The following TMEM38B variants were observed in gnomAD, a reference collection of about 807,000 sequenced individuals.
TMEM38B encodes transmembrane protein 38B.
TMEM38B carries 24 observed loss-of-function variants against 28.7 expected under a neutral mutation model. The observed-to-expected ratio is 0.84, with a 90% confidence interval of 0.61 to 1.18. The LOEUF (loss-of-function observed/expected upper bound fraction) is 1.18. Ranked by LOEUF, TMEM38B falls within the 50% of genes most tolerant of loss-of-function variation. The probability of loss-of-function intolerance (pLI) is 0.00; values close to 1 mark genes in which losing one functional copy is unlikely to be tolerated. For synonymous variants in TMEM38B, 131 were observed against 127.7 expected, an observed-to-expected ratio of 1.03 and a Z score of -0.17; for missense variants, 380 against 350.9, an observed-to-expected ratio of 1.08 and a Z score of -0.66.
chr9:105,746,407 T>C (rs1837393788), intron 4 of TMEM38B, among the ~76,000 whole-genome samples: 1 of 152,240 alleles, frequency 6.6e-6, no homozygotes, highest in South Asian at 2.1e-4. Context: ...AGAATGCTCG[T>C]GATTTTTGCA....
intron 5 of TMEM38B, among the ~76,000 whole-genome samples, chr9:105,749,485 T>G (rs1304357827): frequency 6.6e-6 from 1 of 152,172 alleles, no homozygotes; most frequent in Non-Finnish European, 1.5e-5. Flanking sequence ...CATGATTCAG[T>G]TACCTTCATC....
Position 105,774,061 on chromosome 9 carries a change from A to C in TMEM38B, c.857A>C (p.His286Pro). ...DVASDNVKKK[H>P]TKKNE ...GCCTCAGATAATGTTAAAAAGAAAC[A>C]TACTAAGAAGAATGAATAAATTTAC... The change falls in exon 6 of 6, where the codon CAT becomes CCT. Residue 286 changes from histidine to proline, a missense_variant. By Grantham distance (77) the His-to-Pro change is moderately conservative (BLOSUM62 -2). Coordinates refer to ENST00000374692, the MANE Select transcript of TMEM38B (RefSeq NM_018112.3). 1.9e-6 allele frequency: 3 copies of C among 1,613,498 alleles called. No homozygotes were observed. The highest frequency in any genetic ancestry group is 2.5e-6 in the Non-Finnish European group (3 of 1,179,638).
rs1380754105 is a variant in TMEM38B at position 105,770,343 on chromosome 9, A to G, written c.661-3522A>G. Among the ~76,000 whole-genome samples, 3 of 152,150 alleles carry G rather than the reference A, an allele frequency of 2.0e-5. No individual in the cohort carries two copies. In the East Asian group the frequency reaches 5.8e-4, roughly 29 times the overall value. On this transcript the variant is annotated intron_variant, in intron 5 of 5. Coordinates refer to ENST00000374692, the MANE Select transcript of TMEM38B (RefSeq NM_018112.3). ...ATCCTTAGCATTGAGTCTAGTGTAT[A>G]TAGTTGATTTTTAATATATATTTGT...
chr9:105,718,061 T>G (rs1836174715), intron 2 of TMEM38B, among the ~76,000 whole-genome samples: 1 of 152,208 alleles, frequency 6.6e-6, no homozygotes, highest in Non-Finnish European at 1.5e-5. Flanking sequence ...GCGCAGCTAG[T>G]CCTTTAATCT....
chr9:105,714,338 C>T (rs759142198), intron 2 of TMEM38B, among the ~76,000 whole-genome samples: 2 of 152,212 alleles, frequency 1.3e-5, no homozygotes, highest in Non-Finnish European at 2.9e-5. Context: ...CTCCACTTGT[C>T]TGAATACTTC....
At chr9:105,766,781 T>C (rs1251655772) in intron 5 of TMEM38B, among the ~76,000 whole-genome samples, 1 of 152,054 alleles carries the variant, frequency 6.6e-6, no homozygotes, top group Non-Finnish European at 1.5e-5. Context: ...GGGATACATG[T>C]GCACAATATA....
intron 5 of TMEM38B, among the ~76,000 whole-genome samples, chr9:105,748,671 C>G (rs112270817): frequency 2.0e-5 from 3 of 152,086 alleles, no homozygotes; most frequent in Non-Finnish European, 4.4e-5. Context: ...GGTTCAAATC[C>G]CAGTTTTGCT....
At chr9:105,738,803 G>A (rs1837078581) in intron 4 of TMEM38B, among the ~76,000 whole-genome samples, 1 of 144,050 alleles carries the variant, frequency 6.9e-6, no homozygotes, top group Non-Finnish European at 1.5e-5. Flanking sequence ...CTGCAGCCTC[G>A]ACCTCCCAGC....
chr9:105,757,240 T>C (rs975273972), intron 5 of TMEM38B, among the ~76,000 whole-genome samples: 1 of 152,252 alleles, frequency 6.6e-6, no homozygotes, highest in African/African-American at 2.4e-5. Context: ...TATTTTATTA[T>C]TTTGTTCCTT....
chr9:105,768,376 G>A (rs1223506565), intron 5 of TMEM38B, among the ~76,000 whole-genome samples: 2 of 151,886 alleles, frequency 1.3e-5, no homozygotes, highest in Admixed American at 6.6e-5. Context: ...ATGGATATTG[G>A]TTTGTAGTTT....
At chr9:105,756,167 T>G (rs1837825194) in intron 5 of TMEM38B, among the ~76,000 whole-genome samples, 1 of 152,136 alleles carries the variant, frequency 6.6e-6, no homozygotes, top group South Asian at 2.1e-4. Flanking sequence ...AATAAATAAA[T>G]AATAAAATAG....
intron 1 of TMEM38B, among the ~76,000 whole-genome samples, chr9:105,696,323 T>C (rs1029981344): frequency 6.6e-6 from 1 of 152,206 alleles, no homozygotes; most frequent in Non-Finnish European, 1.5e-5. Flanking sequence ...AGTCTCTCTG[T>C]CGCCCAGGCT....
rs952601291 is a variant in TMEM38B, at chr9:105,775,459, A to G, written c.*1379A>G. On this transcript the variant is annotated 3_prime_UTR_variant, in exon 6 of 6. Transcript: ENST00000374692. Reference sequence around the variant, plus strand: ...CAGGTATTTTCGATGGTTTAGAAGTACTCAAGTCACATCACATTCAAGTTA... The same window carrying G: ...CAGGTATTTTCGATGGTTTAGAAGTGCTCAAGTCACATCACATTCAAGTTA... The G allele has an allele frequency of 7.9e-5, 12 of 152,048 alleles. No individual in the cohort carries two copies. The highest frequency in any genetic ancestry group is 1.6e-4 in the Non-Finnish European group (11 of 67,960). The allele number at this position is 152,048 out of a possible 1,614,324, so 9.4% of individuals were successfully genotyped here.
chr9:105,756,256 A>G (rs1431511421), intron 5 of TMEM38B, among the ~76,000 whole-genome samples: 3 of 152,202 alleles, frequency 2.0e-5, no homozygotes, highest in Non-Finnish European at 2.9e-5. Context: ...TTACTTTTCA[A>G]TCTGCATGTC....
intron 5 of TMEM38B, among the ~76,000 whole-genome samples, chr9:105,755,015 A>G (rs762661597): frequency 3.3e-5 from 5 of 152,250 alleles, no homozygotes; most frequent in South Asian, 2.1e-4. Flanking sequence ...AAACACCTCT[A>G]TGCAAATAAA....
Position 105,721,572 on chromosome 9 carries a change from C to T in TMEM38B, c.305C>T (p.Ser102Phe), listed in dbSNP as rs1276789673. The T allele has an allele frequency of 1.2e-6, 2 of 1,609,958 alleles. No individual in the cohort carries two copies. Among genetic ancestry groups the T allele is most frequent in the Non-Finnish European group, 1.7e-6 (2 of 1,178,178 alleles). Residue 102 changes from serine (S) to phenylalanine (F), a missense_variant, in exon 3 of 6, where the codon TCC becomes TTC. Ser to Phe is a radical substitution (Grantham distance 155). Coordinates refer to ENST00000374692, the MANE Select transcript of TMEM38B (RefSeq NM_018112.3). The stretch of plus-strand genomic sequence containing the variant: ...TTTTTTTGCCCGCATGACCTAGTTT[C>T]CCAGGGCTATTCATATCTACCTGTT... ...ITFFCPHDLV[S>F]QGYSYLPVQL...
At chr9:105,755,508 TTTG>T (rs1341407781) in intron 5 of TMEM38B, among the ~76,000 whole-genome samples, 4 of 152,202 alleles carry the variant, frequency 2.6e-5, no homozygotes, top group African/African-American at 7.2e-5. Context: ...CTCCTCTGAG[TTTG>T]TTGTTCTTTT....
chr9:105,727,174 T>A (rs1313234705), intron 4 of TMEM38B, among the ~76,000 whole-genome samples: 2 of 152,204 alleles, frequency 1.3e-5, no homozygotes, highest in African/African-American at 4.8e-5. Flanking sequence ...TTGTTCATCC[T>A]ACATGTGTGC....
At chr9:105,701,762 A>G (rs116083770) in intron 1 of TMEM38B, 14 of 152,182 alleles carry the variant, frequency 9.2e-5, no homozygotes, top group East Asian at 1.9e-4. Context: ...AGGGGCTTCT[A>G]TGTGATCCAT....
Sources: gnomAD v4.1 joint callset for allele counts (sites outside exome capture counted in the v4.1 genomes callset) on GRCh38, gnomAD v4.1.1 for gene constraint, MANE v1.5 for transcripts, NCBI Gene and HGNC (gene_info 2026-07-23, HGNC 2026-07-21) for gene names.